The following RPS21 variants were observed in gnomAD, a reference collection of about 807,000 sequenced individuals.
RPS21 encodes ribosomal protein S21, also known as small ribosomal subunit protein eS21.
RPS21 carries 6 observed loss-of-function variants against 14.5 expected under a neutral mutation model. That is an observed-to-expected ratio of 0.41 (90% CI 0.23 to 0.82). The LOEUF (loss-of-function observed/expected upper bound fraction) is 0.82, where lower values mean the gene tolerates loss of function less well. Ranked by LOEUF, RPS21 falls within the 40% of genes least tolerant of loss-of-function variation. The probability of loss-of-function intolerance (pLI) is 0.31; values close to 1 mark genes in which losing one functional copy is unlikely to be tolerated. For synonymous variants in RPS21, 61 were observed against 42.6 expected (o/e 1.43, Z -1.69); for missense variants, 85 against 115.0 (o/e 0.74, Z 1.19).
At chr20:62,387,192 G>A (rs1238851091) in intron 1 of RPS21, 56 bp downstream of exon 1, 2 of 649,116 alleles carry the variant, frequency 3.1e-6, no homozygotes, top group Admixed American at 3.2e-5. Context: ...CGGGAGTGGG[G>A]GCTTGGACGC....
At chr20:62,387,205 G>C (rs1450118748) in intron 1 of RPS21, 69 bp downstream of exon 1, 1 of 704,862 alleles carries the variant, frequency 1.4e-6, no homozygotes, top group Non-Finnish European at 2.3e-6. Context: ...TTGGACGCGG[G>C]GGACGGGGTG....
chr20:62,388,412 C>T (rs1987829383), intron 5 of RPS21, 45 bp from the exon 6 acceptor site: 2 of 1,613,554 alleles, frequency 1.2e-6, no homozygotes, highest in Middle Eastern at 1.7e-4. Flanking sequence ...ACTAGGACTG[C>T]TCCAGAGGCG....
In RPS21 at chr20:62,388,458, A is replaced by C. The variant is rs755981025; in HGVS notation, c.244A>C (p.Asn82His). 2.5e-6 allele frequency: 4 copies of C among 1,613,740 alleles called. No individual in the cohort carries two copies. The African/African-American group carries it at 5.3e-5, about 22-fold the overall frequency. The change falls in exon 6 of 6, where the codon AAC becomes CAC. Residue 82 changes from asparagine (N) to histidine (H), a missense_variant and splice_region_variant. Transcript: ENST00000343986. ...GTTGTCCTTTTCCCCTGGTTCTAGGAACTTTTGACTGGAGAGAATCACAGA... is the reference window on the plus strand; with the variant it reads ...GTTGTCCTTTTCCCCTGGTTCTAGGCACTTTTGACTGGAGAGAATCACAGA... ...LAKADGIVSK[N>H]F is the part of the protein sequence containing the mutation.
intron 4 of RPS21, 41 bp downstream of exon 4, chr20:62,387,955 C>T (rs989414316): frequency 1.9e-6 from 3 of 1,614,190 alleles, no homozygotes; most frequent in East Asian, 4.5e-5. Flanking sequence ...TTCGGGACAT[C>T]GTGGACTTTA....
rs1459081683 is a variant in RPS21, at chr20:62,387,868, A to C, written c.140A>C (p.Asn47Thr). 1.8e-5 allele frequency: 29 copies of C among 1,614,164 alleles called. No individual in the cohort carries two copies. Among genetic ancestry groups the C allele is most frequent in the Non-Finnish European group, 2.1e-5 (25 of 1,180,042 alleles). Reference protein sequence around the residue: ...AEVDKVTGRFNGQFKTYAICG... With the variant: ...AEVDKVTGRFTGQFKTYAICG... Reference sequence around the variant, plus strand: ...GTTGACAAGGTCACAGGCAGGTTTAATGGCCAGTTTAAAACTTATGCTATC... The same window carrying C: ...GTTGACAAGGTCACAGGCAGGTTTACTGGCCAGTTTAAAACTTATGCTATC... The change falls in exon 4 of 6, where the codon AAT becomes ACT. Residue 47 changes from asparagine (N) to threonine (T), a missense_variant. Asn to Thr is a moderately conservative substitution (Grantham distance 65). Transcript: ENST00000343986.
chr20:62,387,967 C>T (rs765513016), intron 4 of RPS21, 53 bp downstream of exon 4: 2 of 1,614,138 alleles, frequency 1.2e-6, no homozygotes, highest in Non-Finnish European at 8.5e-7. Context: ...TGGACTTTAC[C>T]GTGCGCATTG....
Position 62,387,594 on chromosome 20 carries a change from G to A in RPS21, c.51-17G>A, listed in dbSNP as rs778583768. The stretch of plus-strand genomic sequence containing the variant: ...ACCGCCCAAGTCCCCTCTGCTCACT[G>A]CGCCCTTTCTCCACAGCTCCGCTAG... On this transcript the variant is annotated splice_polypyrimidine_tract_variant and intron_variant, in intron 2 of 5. Transcript: ENST00000343986. 1 of 1,608,464 alleles carries A rather than the reference G, an allele frequency of 6.2e-7. No homozygotes were observed.
chr20:62,387,252 G>A (rs1987762447), intron 1 of RPS21, 69 bp from the exon 2 acceptor site: 3 of 1,236,362 alleles, frequency 2.4e-6, no homozygotes, highest in South Asian at 2.6e-5. Flanking sequence ...TGACCCTAGG[G>A]GCCGGTTTGC....
At chr20:62,387,540 C>CA in intron 2 of RPS21, 71 bp from the exon 3 acceptor site, 1 of 1,588,470 alleles carries the variant, frequency 6.3e-7, no homozygotes, top group Non-Finnish European at 8.6e-7. Flanking sequence ...CATATACCCC[C>CA]AACCTCCCTC....
Position 62,387,562 on chromosome 20 carries a change from C to T in RPS21, c.51-49C>T, listed in dbSNP as rs781252312. The T allele has an allele frequency of 7.5e-6, 12 of 1,595,986 alleles. No individual in the cohort carries two copies. In the African/African-American group the frequency reaches 1.1e-4, roughly 14 times the overall value. On this transcript the variant is annotated intron_variant, in intron 2 of 5. Coordinates refer to ENST00000343986, the MANE Select transcript of RPS21 (RefSeq NM_001024.4). ...CCCCAACCTCCCTCGTCCCCTCTTTCATTCTTACCGCCCAAGTCCCCTCTG... is the reference window on the plus strand; with the variant it reads ...CCCCAACCTCCCTCGTCCCCTCTTTTATTCTTACCGCCCAAGTCCCCTCTG...
chr20:62,387,500 G>C, intron 2 of RPS21, 111 bp from the exon 3 acceptor site: 27 of 1,587,496 alleles, frequency 1.7e-5, no homozygotes, highest in Non-Finnish European at 2.3e-5. Context: ...TCCCTAACTT[G>C]TCCTGCCCCC....
Position 62,387,839 on chromosome 20 carries a change from C to T in RPS21, c.115-4C>T, listed in dbSNP as rs200558032. 1.2e-6 allele frequency: 2 copies of T among 1,614,138 alleles called. No individual in the cohort carries two copies. Among genetic ancestry groups the T allele is most frequent in the Non-Finnish European group, 1.7e-6 (2 of 1,180,028 alleles). ...GTGGTTTGTGACCCTTCTTCTCTTT[C>T]TAGGTTGACAAGGTCACAGGCAGGT... On this transcript the variant is annotated splice_region_variant and splice_polypyrimidine_tract_variant and intron_variant, in intron 3 of 5. Coordinates refer to ENST00000343986, the MANE Select transcript of RPS21 (RefSeq NM_001024.4).
At chr20:62,387,580 C>T (rs376919501) in intron 2 of RPS21, 31 bp from the exon 3 acceptor site, 110 of 1,602,194 alleles carry the variant, frequency 6.9e-5, no homozygotes, top group Non-Finnish European at 7.3e-5. Flanking sequence ...CCGCCCAAGT[C>T]CCCTCTGCTC....
At position 62,388,344 on chromosome 20, in the gene RPS21, G is replaced by C; in HGVS notation, c.222G>C (p.Lys74Asn). ...ATGATTCCATTCTCCGATTGGCCAAGGCCGATGGCATCGTCTCAAAGTAAG... is the reference window on the plus strand; with the variant it reads ...ATGATTCCATTCTCCGATTGGCCAACGCCGATGGCATCGTCTCAAAGTAAG... ...ESDDSILRLA[K>N]ADGIVSKNF is the part of the protein sequence containing the mutation. The change falls in exon 5 of 6, where the codon AAG becomes AAC. Residue 74 changes from lysine to asparagine, a missense_variant. Lys to Asn is a moderately conservative substitution (Grantham distance 94, BLOSUM62 0). Coordinates refer to ENST00000343986, the MANE Select transcript of RPS21 (RefSeq NM_001024.4). 1 of 1,601,826 alleles carries C rather than the reference G, an allele frequency of 6.2e-7. No individual in the cohort carries two copies. The highest frequency in any genetic ancestry group is 8.5e-7 in the Non-Finnish European group (1 of 1,176,876).
At position 62,388,292 on chromosome 20, in the gene RPS21, T is replaced by C. The variant is rs1225141072; in HGVS notation, c.187-17T>C. The stretch of plus-strand genomic sequence containing the variant: ...GGAGTGGAAATATTCTTAGTGTGCT[T>C]TTTTTTTTTTCTTAAGGGTGAGTCA... On this transcript the variant is annotated splice_polypyrimidine_tract_variant and intron_variant, in intron 4 of 5. Coordinates refer to ENST00000343986, the MANE Select transcript of RPS21 (RefSeq NM_001024.4). 1 of 1,342,008 alleles carries C rather than the reference T, an allele frequency of 7.5e-7. No homozygotes were observed. 83.1% of individuals were successfully genotyped at this position (1,342,008 alleles called of 1,614,324 possible). A position where few individuals can be genotyped will look rare whatever the true frequency, so the allele number is the denominator to read the frequency against.
intron 1 of RPS21, 45 bp from the exon 2 acceptor site, chr20:62,387,276 G>C: frequency 6.8e-7 from 1 of 1,467,386 alleles, no homozygotes; most frequent in Non-Finnish European, 9.3e-7. Flanking sequence ...GGGAGCCGGG[G>C]CACGGTTCCG....
In RPS21 at chr20:62,387,356, C is replaced by T. The variant is rs11555747; in HGVS notation, c.18C>T (p.Gly6=). The T allele has an allele frequency of 5.5e-5, 89 of 1,605,964 alleles. No homozygotes were observed. The African/African-American group carries it at 8.7e-4, about 16-fold the overall frequency. The change falls in exon 2 of 6, where the codon GGC becomes GGT. Residue 6 remains glycine, a synonymous_variant. Coordinates refer to ENST00000343986, the MANE Select transcript of RPS21 (RefSeq NM_001024.4). MQNDA[G]EFVDLYVPRK... The stretch of plus-strand genomic sequence containing the variant: ...GCCTCGAAATGCAGAACGACGCCGG[C>T]GAGTTCGTGGACCTGTACGTGCCGC...
chr20:62,388,052 G>A (rs928295694), intron 4 of RPS21, 138 bp downstream of exon 4: 2 of 1,570,556 alleles, frequency 1.3e-6, no homozygotes, highest in East Asian at 2.3e-5. Context: ...GCCGCCTGCC[G>A]CTTCTTGAGG....
Position 62,388,501 on chromosome 20 carries a change from A to C in RPS21, c.*35A>C. 2 of 1,609,778 alleles carry C rather than the reference A, an allele frequency of 1.2e-6. No individual in the cohort carries two copies. The highest frequency in any genetic ancestry group is 1.7e-6 in the Non-Finnish European group (2 of 1,176,146). On this transcript the variant is annotated 3_prime_UTR_variant, in exon 6 of 6. Transcript: ENST00000343986. ...ATCACAGATGTGGAATATTTGTCATAAATAAATAATGAAAACCTACCTGTG... is the reference window on the plus strand; with the variant it reads ...ATCACAGATGTGGAATATTTGTCATCAATAAATAATGAAAACCTACCTGTG...
Sources: gnomAD v4.1 joint callset for allele counts on GRCh38, gnomAD v4.1.1 for gene constraint, MANE v1.5 for transcripts, NCBI Gene and HGNC (gene_info 2026-07-23, HGNC 2026-07-21) for gene names.